PRKCH: variants seen among roughly 807,000 people sequenced by gnomAD.
PRKCH encodes the protein protein kinase C eta.
PRKCH carries 28 observed loss-of-function variants against 82.5 expected under a neutral mutation model. That is an observed-to-expected ratio of 0.34 (90% CI 0.25 to 0.47). The LOEUF is 0.47. Among genes scored for constraint, PRKCH ranks in the 20% least tolerant of loss-of-function variants. PRKCH has a pLI of 1.00. For synonymous variants in PRKCH, 322 were observed against 327.4 expected (o/e 0.98, Z 0.18); for missense variants, 705 against 881.8 (o/e 0.80, Z 2.54).
At chr14:61,522,840 A>C (rs942635097) in intron 10 of PRKCH, among the ~76,000 whole-genome samples, 1 of 152,238 alleles carries the variant, frequency 6.6e-6, no homozygotes, top group African/African-American at 2.4e-5. Flanking sequence ...ATACTAAAGA[A>C]TGGTTGGGTG....
chr14:61,503,531 G>A (rs1457567900), intron 10 of PRKCH, among the ~76,000 whole-genome samples: 1 of 152,128 alleles, frequency 6.6e-6, no homozygotes. Context: ...ATAGGACTCT[G>A]TTCTCAACAG....
At chr14:61,468,701 C>T (rs567588198) in intron 9 of PRKCH, among the ~76,000 whole-genome samples, 1 of 152,236 alleles carries the variant, frequency 6.6e-6, no homozygotes, top group South Asian at 2.1e-4. Context: ...TGAGGTTGTT[C>T]TGTTGTAACT....
chr14:61,379,705 G>A (rs1465826180), intron 1 of PRKCH, among the ~76,000 whole-genome samples: 1 of 152,144 alleles, frequency 6.6e-6, no homozygotes, highest in Admixed American at 6.5e-5. Context: ...CTGTCTCTAG[G>A]CAACCCAGAG....
At chr14:61,367,915 C>G (rs1283170563) in intron 1 of PRKCH, among the ~76,000 whole-genome samples, 1 of 151,792 alleles carries the variant, frequency 6.6e-6, no homozygotes, top group Non-Finnish European at 1.5e-5. Context: ...GGGGTTTCAC[C>G]TTGCTAACCA....
At chr14:61,288,989 C>T (rs1223467772) in intron 1 of PRKCH, among the ~76,000 whole-genome samples, 1 of 152,244 alleles carries the variant, frequency 6.6e-6, no homozygotes, top group Non-Finnish European at 1.5e-5. Context: ...TGTCTTGCCT[C>T]TGCTTCTCTC....
chr14:61,366,496 A>G lies in PRKCH; in HGVS notation c.364-24729A>G, dbSNP rs1198349365. ...TTAGAAGGAAAATATTTTGTCACGT[A>G]TGGAAGTTCAGTGGAGGTTGCAGGT... On this transcript the variant is annotated intron_variant, in intron 1 of 13. Transcript: ENST00000332981. Among the ~76,000 whole-genome samples, 4 of 152,238 alleles carry G rather than the reference A, an allele frequency of 2.6e-5. No individual in the cohort carries two copies. The South Asian group carries it at 8.3e-4, about 32-fold the overall frequency.
chr14:61,399,402 A>C (rs1195208246), intron 2 of PRKCH, among the ~76,000 whole-genome samples: 2 of 152,212 alleles, frequency 1.3e-5, no homozygotes, highest in Admixed American at 1.3e-4. Context: ...AGGGTTTTTT[A>C]ATGTATATGT....
At chr14:61,494,929 T>G (rs1381744094) in intron 10 of PRKCH, among the ~76,000 whole-genome samples, 3 of 152,252 alleles carry the variant, frequency 2.0e-5, no homozygotes, top group Non-Finnish European at 4.4e-5. Flanking sequence ...GAACTTACCA[T>G]AAACCCTTGA....
intron 1 of PRKCH, among the ~76,000 whole-genome samples, chr14:61,241,351 A>G (rs2211210): frequency 0.18 from 27,611 of 152,092 alleles, 2,750 homozygotes; most frequent in African/African-American, 0.25. Context: ...AAGCCTCATT[A>G]CATAGGCATG....
intron 1 of PRKCH, among the ~76,000 whole-genome samples, chr14:61,198,505 C>T (rs926117152): frequency 3.9e-5 from 6 of 152,108 alleles, no homozygotes; most frequent in African/African-American, 1.2e-4. Context: ...CCTCTTCGTT[C>T]GTGACATTTG....
At chr14:61,199,380 A>G (rs569097092) in intron 1 of PRKCH, among the ~76,000 whole-genome samples, 2 of 152,332 alleles carry the variant, frequency 1.3e-5, no homozygotes, top group South Asian at 4.1e-4. Context: ...TCAAGGAACT[A>G]AGCTCTTTTG....
chr14:61,351,892 G>C (rs1270870267), intron 1 of PRKCH, among the ~76,000 whole-genome samples: 1 of 152,070 alleles, frequency 6.6e-6, no homozygotes, highest in Admixed American at 6.6e-5. Flanking sequence ...AACTTTGAAG[G>C]CTGCCACTTA....
intron 12 of PRKCH, among the ~76,000 whole-genome samples, chr14:61,534,366 A>G (rs1324227138): frequency 6.6e-6 from 1 of 152,164 alleles, no homozygotes; most frequent in African/African-American, 2.4e-5. Context: ...TGCACTCTGA[A>G]CAAGCATTCA....
chr14:61,338,813 A>G (rs183362124), intron 1 of PRKCH, among the ~76,000 whole-genome samples: 20 of 152,196 alleles, frequency 1.3e-4, no homozygotes, highest in Non-Finnish European at 7.4e-5. Flanking sequence ...ACTGTTTCTG[A>G]TGGGTGTTGA....
chr14:61,458,255 G>C (rs949843205), intron 9 of PRKCH, among the ~76,000 whole-genome samples: 16 of 152,262 alleles, frequency 1.1e-4, no homozygotes, highest in Admixed American at 1.0e-3. Context: ...TCTGGCTGCA[G>C]TTAATGGAAC....
At chr14:61,309,056 G>A (rs1160152801) in intron 1 of PRKCH, among the ~76,000 whole-genome samples, 1 of 148,064 alleles carries the variant, frequency 6.8e-6, no homozygotes, top group Non-Finnish European at 1.5e-5. Flanking sequence ...GGCCAAGGTG[G>A]GAGGATCACT....
At chr14:61,244,181 T>A (rs542884795) in intron 1 of PRKCH, among the ~76,000 whole-genome samples, 1 of 152,174 alleles carries the variant, frequency 6.6e-6, no homozygotes, top group African/African-American at 2.4e-5. Context: ...TGAAATTTCA[T>A]GTGCCATGGA....
intron 1 of PRKCH, among the ~76,000 whole-genome samples, chr14:61,380,056 T>C (rs1001176955): frequency 6.7e-6 from 1 of 149,706 alleles, no homozygotes; most frequent in Non-Finnish European, 1.5e-5. Flanking sequence ...CTTTTTTGTT[T>C]TGTTTTGTTT....
intron 11 of PRKCH, among the ~76,000 whole-genome samples, chr14:61,529,809 G>C (rs1462748067): frequency 6.7e-6 from 1 of 149,752 alleles, no homozygotes; most frequent in Non-Finnish European, 1.5e-5. Context: ...AATGCTAGAT[G>C]ACGAGTTAGT....
Sources: gnomAD v4.1 joint callset for allele counts (sites outside exome capture counted in the v4.1 genomes callset) on GRCh38, gnomAD v4.1.1 for gene constraint, MANE v1.5 for transcripts, NCBI Gene and HGNC (gene_info 2026-07-23, HGNC 2026-07-21) for gene names.